Variants in CWC27 observed in about 807,000 individuals in gnomAD.
CWC27 encodes spliceosome-associated protein CWC27 homolog.
In CWC27, 47 loss-of-function variants were observed where a neutral mutation model predicts 63.6. That is an observed-to-expected ratio of 0.74 (90% CI 0.58 to 0.94). CWC27 has a LOEUF of 0.94. Among genes scored for constraint, CWC27 ranks in the 40% least tolerant of loss-of-function variants. CWC27 has a pLI of 0.00. For synonymous variants in CWC27, 175 were observed against 179.8 expected (o/e 0.97, Z 0.22); for missense variants, 495 against 554.3 (o/e 0.89, Z 1.07).
chr5:64,805,298 T>G (rs1175885559), intron 10 of CWC27, among the ~76,000 whole-genome samples: 1 of 151,562 alleles, frequency 6.6e-6, no homozygotes, highest in Admixed American at 6.6e-5. Flanking sequence ...ATCTTAAATG[T>G]CTTTTTTCCA....
chr5:65,010,568 A>C (rs1422855414), intron 13 of CWC27, among the ~76,000 whole-genome samples: 1 of 152,206 alleles, frequency 6.6e-6, no homozygotes, highest in African/African-American at 2.4e-5. Context: ...AACACAGTAC[A>C]CTAACACAGT....
chr5:64,928,234 C>A (rs1310520979), intron 11 of CWC27, among the ~76,000 whole-genome samples: 1 of 151,324 alleles, frequency 6.6e-6, no homozygotes, highest in Non-Finnish European at 1.5e-5. Context: ...GAACTTGATT[C>A]TTTTTCTTAT....
intron 13 of CWC27, among the ~76,000 whole-genome samples, chr5:64,979,574 A>G (rs1749293608): frequency 6.6e-6 from 1 of 152,222 alleles, no homozygotes; most frequent in African/African-American, 2.4e-5. Flanking sequence ...CAGGAAAGGA[A>G]TCTTATATTC....
intron 11 of CWC27, among the ~76,000 whole-genome samples, chr5:64,956,712 C>T: frequency 6.6e-6 from 1 of 152,144 alleles, no homozygotes; most frequent in South Asian, 2.1e-4. Context: ...CCACCTACCA[C>T]CATAACTGTT....
chr5:64,976,696 CT>C (rs1749233679), intron 12 of CWC27, among the ~76,000 whole-genome samples: 2 of 152,060 alleles, frequency 1.3e-5, no homozygotes, highest in South Asian at 2.1e-4. Context: ...CCACATCTGA[CT>C]TTTTTTCTTT....
intron 13 of CWC27, among the ~76,000 whole-genome samples, chr5:64,992,763 G>A (rs1344537270): frequency 1.3e-5 from 2 of 150,812 alleles, no homozygotes; most frequent in Non-Finnish European, 2.9e-5. Flanking sequence ...TCGATCTCCT[G>A]ACCTCATGAT....
chr5:64,980,660 T>G (rs1361793145), intron 13 of CWC27, among the ~76,000 whole-genome samples: 1 of 152,184 alleles, frequency 6.6e-6, no homozygotes. Flanking sequence ...TTCTTCCTCT[T>G]TCTCTTCTTC....
Position 64,847,008 on chromosome 5 carries a change from AAAAG to A in CWC27, c.939-38431_939-38428del, listed in dbSNP as rs1221500963. Among the ~76,000 whole-genome samples the A allele has an allele frequency of 4.0e-5, 6 of 151,726 alleles. No homozygotes were observed. The East Asian group carries it at 1.2e-3, about 29-fold the overall frequency. On this transcript the variant is annotated intron_variant, in intron 10 of 13. Transcript: ENST00000381070. ...GACTCCATCTCAAAAAAAAAAAAAA[AAAAG>A]AAAAAGGAAATGGCAATAGTACATC...
At chr5:64,971,873 T>C in intron 12 of CWC27, 61 bp downstream of exon 12, 1 of 1,043,014 alleles carries the variant, frequency 9.6e-7, no homozygotes, top group Non-Finnish European at 1.4e-6. Flanking sequence ...TTTAAGTGTT[T>C]CTAAATGGAG....
chr5:64,987,178 G>A (rs776131277), intron 13 of CWC27, among the ~76,000 whole-genome samples: 56 of 151,828 alleles, frequency 3.7e-4, no homozygotes, highest in Non-Finnish European at 7.4e-4. Context: ...TGGATTATTT[G>A]AGCATTTTTT....
At chr5:64,781,851 G>A (rs755922263) in intron 2 of CWC27, 70 bp from the exon 3 acceptor site, 21 of 697,372 alleles carry the variant, frequency 3.0e-5, no homozygotes, top group Admixed American at 1.7e-4. Flanking sequence ...GACTCTAGCT[G>A]TATTAATTTT....
chr5:64,882,305 A>C (rs1390946856), intron 10 of CWC27, among the ~76,000 whole-genome samples: 1 of 152,156 alleles, frequency 6.6e-6, no homozygotes, highest in Non-Finnish European at 1.5e-5. Flanking sequence ...ACTTCAGGAG[A>C]AGGAACAAAT....
chr5:64,893,822 C>A (rs1046868188), intron 11 of CWC27, among the ~76,000 whole-genome samples: 3 of 151,982 alleles, frequency 2.0e-5, no homozygotes, highest in Admixed American at 2.0e-4. Context: ...CTAGCCTTAA[C>A]GAACGTCTTA....
intron 10 of CWC27, among the ~76,000 whole-genome samples, chr5:64,827,155 A>T (rs62369300): frequency 0.35 from 53,622 of 151,996 alleles, 9,906 homozygotes; most frequent in East Asian, 0.51. Flanking sequence ...TGATATTTGT[A>T]TTTAATTTAC....
chr5:64,868,185 A>G (rs1746576430), intron 10 of CWC27, among the ~76,000 whole-genome samples: 1 of 152,066 alleles, frequency 6.6e-6, no homozygotes, highest in African/African-American at 2.4e-5. Flanking sequence ...TCTAACCCAC[A>G]TATAAGAAAA....
intron 11 of CWC27, among the ~76,000 whole-genome samples, chr5:64,942,281 A>G (rs1748498288): frequency 6.6e-6 from 1 of 151,434 alleles, no homozygotes; most frequent in Non-Finnish European, 1.5e-5. Flanking sequence ...AAATAACAAA[A>G]TAGCCGGGCA....
At chr5:64,890,830 ATC>A (rs1287760319) in intron 11 of CWC27, among the ~76,000 whole-genome samples, 3 of 152,208 alleles carry the variant, frequency 2.0e-5, no homozygotes, top group Non-Finnish European at 4.4e-5. Context: ...AGTGAAGTAT[ATC>A]TCAATAATTT....
At chr5:64,866,348 G>A (rs1171582050) in intron 10 of CWC27, among the ~76,000 whole-genome samples, 1 of 151,908 alleles carries the variant, frequency 6.6e-6, no homozygotes, top group African/African-American at 2.4e-5. Flanking sequence ...TTCTAAATAT[G>A]GCATATAGTA....
chr5:64,977,382 T>A (rs1749245963), intron 13 of CWC27, 144 bp downstream of exon 13: 1 of 539,192 alleles, frequency 1.9e-6, no homozygotes, highest in African/African-American at 1.9e-5. Context: ...TGACTTTATT[T>A]CAGTTCAATA....
Sources: gnomAD v4.1 joint callset for allele counts (sites outside exome capture counted in the v4.1 genomes callset) on GRCh38, gnomAD v4.1.1 for gene constraint, MANE v1.5 for transcripts, NCBI Gene and HGNC (gene_info 2026-07-23, HGNC 2026-07-21) for gene names.